Variants in PRKN observed in about 807,000 individuals in gnomAD.
The protein encoded by PRKN is parkin RBR E3 ubiquitin protein ligase.
Under a neutral mutation model 59.5 loss-of-function variants are expected in PRKN, and 56 were observed. That is an observed-to-expected ratio of 0.94 (90% confidence interval 0.76 to 1.18). PRKN has a LOEUF of 1.18. Among genes scored for constraint, PRKN ranks in the 50% most tolerant of loss-of-function variants. The probability of loss-of-function intolerance (pLI) is 0.00; values close to 1 mark genes in which losing one functional copy is unlikely to be tolerated. For missense variants in PRKN, 657 were observed against 596.4 expected, an observed-to-expected ratio of 1.10 and a Z score of -1.06; for synonymous variants, 250 against 222.1, an observed-to-expected ratio of 1.13 and a Z score of -1.12.
At position 161,581,559 on chromosome 6, in the gene PRKN, A is replaced by G. The variant is rs1781340513; in HGVS notation, c.872-12143T>C. On this transcript the variant is annotated intron_variant, in intron 7 of 11. Transcript: ENST00000366898. The surrounding 1 kb of genome is among the most constrained non-coding windows in gnomAD (Gnocchi z 4.5). ...AGGATATGCTGAAGTCTGAGGTTTG[A>G]GTCACTGGACAATCAGAAGCAAAGA... is the stretch of plus-strand genomic sequence containing the variant. 6.6e-6 allele frequency among the ~76,000 whole-genome samples: 1 copy of G among 152,246 alleles called. No homozygotes were observed. The highest frequency in any genetic ancestry group is 2.1e-4 in the South Asian group (1 of 4,834).
intron 3 of PRKN, among the ~76,000 whole-genome samples, chr6:162,254,455 CAAAAAAA>C (rs148927604): frequency 1.1e-5 from 1 of 94,242 alleles, no homozygotes; most frequent in South Asian, 3.3e-4. Context: ...GACTCCATCT[CAAAAAAA>C]AAAAAAAAGG....
rs541876383 is a variant in PRKN, at chr6:161,672,807, C to T, written c.872-103391G>A. ...CAAAACAAAACAAAAATTTAAAATA[C>T]GATGAAATAAGGCCTTTCCTGTACT... On this transcript the variant is annotated intron_variant, in intron 7 of 11. Transcript: ENST00000366898. Among the ~76,000 whole-genome samples the T allele has an allele frequency of 1.7e-4, 26 of 152,144 alleles. No individual in the cohort carries two copies. In the East Asian group the frequency reaches 3.3e-3, roughly 19 times the overall value.
intron 4 of PRKN, among the ~76,000 whole-genome samples, chr6:162,144,780 G>A (rs1275599568): frequency 6.6e-6 from 1 of 152,164 alleles, no homozygotes; most frequent in Non-Finnish European, 1.5e-5. Context: ...AACCCTGACT[G>A]TAAAGCTTCG....
intron 1 of PRKN, among the ~76,000 whole-genome samples, chr6:162,610,535 C>A (rs563459941): frequency 6.6e-6 from 1 of 152,110 alleles, no homozygotes; most frequent in African/African-American, 2.4e-5. Context: ...CATTTATACA[C>A]AAATGAAGGA....
Position 161,644,854 on chromosome 6 carries a change from A to C in PRKN, c.872-75438T>G, listed in dbSNP as rs541654700. Among the ~76,000 whole-genome samples the C allele has an allele frequency of 2.6e-4, 39 of 152,342 alleles. 1 individual carries two copies. The highest frequency in any genetic ancestry group is 8.2e-4 in the African/African-American group (34 of 41,580). On this transcript the variant is annotated intron_variant, in intron 7 of 11. Transcript: ENST00000366898. The stretch of plus-strand genomic sequence containing the variant: ...GCTGCCCGAAATGACTCAGCTGCAC[A>C]AATAATTCTCTTTTTTGTTAAAGCT...
Position 161,440,980 on chromosome 6 carries a change from A to G in PRKN, c.1084-54103T>C, listed in dbSNP as rs1789185427. ...GATGGGATTGTTCTTGCAAAATCTC[A>G]TTGGTAAAGAGAGAGAGGATTTTCC... On this transcript the variant is annotated intron_variant, in intron 9 of 11. Coordinates refer to ENST00000366898, the MANE Select transcript of PRKN (RefSeq NM_004562.3). The surrounding 1 kb of genome is among the most constrained non-coding windows in gnomAD (Gnocchi z 4.1). Among the ~76,000 whole-genome samples, 1 of 152,226 alleles carries G rather than the reference A, an allele frequency of 6.6e-6. No homozygotes were observed. Among genetic ancestry groups the G allele is most frequent in the South Asian group, 2.1e-4 (1 of 4,830 alleles).
intron 7 of PRKN, among the ~76,000 whole-genome samples, chr6:161,622,235 T>C (rs1243105767): frequency 1.3e-5 from 2 of 152,144 alleles, no homozygotes; most frequent in Non-Finnish European, 1.5e-5. Context: ...CTAACTTCTT[T>C]GAAAAGGGAA....
chr6:162,128,707 G>A (rs2128307510), intron 4 of PRKN, among the ~76,000 whole-genome samples: 1 of 152,288 alleles, frequency 6.6e-6, no homozygotes, highest in African/African-American at 2.4e-5. Flanking sequence ...CATTAAGGGT[G>A]GGGGCCTTTG....
chr6:162,397,295 A>C (rs993682677), intron 2 of PRKN, among the ~76,000 whole-genome samples: 4 of 152,288 alleles, frequency 2.6e-5, no homozygotes, highest in African/African-American at 9.6e-5. Flanking sequence ...ATATCAACAG[A>C]TTTGAGATGT....
At chr6:162,430,467 T>C (rs1789463922) in intron 2 of PRKN, among the ~76,000 whole-genome samples, 1 of 152,140 alleles carries the variant, frequency 6.6e-6, no homozygotes, top group African/African-American at 2.4e-5. Context: ...ACCTGAAAGA[T>C]TGTTGGGAGC....
rs777894905 is a variant in PRKN, at chr6:162,235,902, A to AAAGGAAGGAAGG, written c.412+26611_412+26622dup. Among the ~76,000 whole-genome samples the AAAGGAAGGAAGG allele has an allele frequency of 2.3e-3, 171 of 73,308 alleles. 1 individual carries two copies. Among genetic ancestry groups the AAAGGAAGGAAGG allele is most frequent in the Middle Eastern group, 0.019 (3 of 156 alleles). The allele number at this position is 73,308 out of a possible 152,430, so 48.1% of individuals were successfully genotyped here. A position where few individuals can be genotyped will look rare whatever the true frequency, so the allele number is the denominator to read the frequency against. On this transcript the variant is annotated intron_variant, in intron 3 of 11. Coordinates refer to ENST00000366898, the MANE Select transcript of PRKN (RefSeq NM_004562.3). ...AAGAGAGAGAAAGAAAGAAAGAAGGAAAGGAAGGAAGGAAGGAAGGAAGGA... is the reference window on the plus strand; with the variant it reads ...AAGAGAGAGAAAGAAAGAAAGAAGGAAAGGAAGGAAGGAAGGAAGGAAGGAAGGAAGGAAGGA...
At chr6:161,438,697 T>A (rs1789046209) in intron 9 of PRKN, among the ~76,000 whole-genome samples, 1 of 152,152 alleles carries the variant, frequency 6.6e-6, no homozygotes, top group African/African-American at 2.4e-5. Flanking sequence ...GAAAAATAGA[T>A]GATGGATGTT....
chr6:161,610,305 C>T (rs986091323), intron 7 of PRKN, among the ~76,000 whole-genome samples: 6 of 152,042 alleles, frequency 3.9e-5, no homozygotes, highest in South Asian at 2.1e-4. Context: ...TGCTTCTGAA[C>T]GCTGCCCATA....
intron 3 of PRKN, among the ~76,000 whole-genome samples, chr6:162,213,745 A>T (rs1021117799): frequency 6.6e-6 from 1 of 151,840 alleles, no homozygotes; most frequent in African/African-American, 2.4e-5. Context: ...AAAAAAATAA[A>T]AAAAATGTAT....
At chr6:162,474,605 G>A (rs1453978928) in intron 1 of PRKN, among the ~76,000 whole-genome samples, 1 of 152,116 alleles carries the variant, frequency 6.6e-6, no homozygotes, top group African/African-American at 2.4e-5. Flanking sequence ...GTTGAAAGTA[G>A]TATTAATAAC....
intron 9 of PRKN, among the ~76,000 whole-genome samples, chr6:161,494,862 C>T (rs1431545241): frequency 3.3e-5 from 5 of 152,130 alleles, no homozygotes; most frequent in African/African-American, 9.7e-5. Context: ...TTCTAGGATT[C>T]ATCCCCAGCC....
chr6:162,722,139 T>C (rs1778962649), intron 1 of PRKN, among the ~76,000 whole-genome samples: 2 of 152,132 alleles, frequency 1.3e-5, no homozygotes, highest in South Asian at 2.1e-4. Context: ...AGGCAATATA[T>C]AGACAAATAC....
At chr6:162,079,187 T>C (rs1416412643) in intron 4 of PRKN, among the ~76,000 whole-genome samples, 4 of 152,038 alleles carry the variant, frequency 2.6e-5, no homozygotes, top group Non-Finnish European at 5.9e-5. Flanking sequence ...CAAGGTCAAG[T>C]GGAAGGTGTA....
At chr6:162,686,308 G>A (rs1196029629) in intron 1 of PRKN, among the ~76,000 whole-genome samples, 2 of 152,190 alleles carry the variant, frequency 1.3e-5, no homozygotes, top group African/African-American at 4.8e-5. Flanking sequence ...ATAATCCAGT[G>A]CAGTGGAAAC....
Sources: allele counts gnomAD v4.1 joint callset (sites outside exome capture counted in the v4.1 genomes callset), GRCh38; gene constraint gnomAD v4.1.1; non-coding constraint Gnocchi (gnomAD v3.1); transcripts MANE v1.5; gene names NCBI Gene and HGNC (gene_info 2026-07-23, HGNC 2026-07-21).